Variants in HS3ST5 observed in about 807,000 individuals in gnomAD.
HS3ST5 encodes heparan sulfate-glucosamine 3-sulfotransferase 5, also known as heparan sulfate glucosamine 3-O-sulfotransferase 5.
Under a neutral mutation model 25.4 loss-of-function variants are expected in HS3ST5, and 10 were observed. That is an observed-to-expected ratio of 0.39 (90% CI 0.24 to 0.67). The LOEUF is 0.67. Among genes scored for constraint, HS3ST5 ranks in the 30% least tolerant of loss-of-function variants. The probability of loss-of-function intolerance (pLI) is 0.44; values close to 1 mark genes in which losing one functional copy is unlikely to be tolerated. For missense variants in HS3ST5, 324 were observed against 420.7 expected (o/e 0.77, Z 2.01); for synonymous variants, 170 against 162.4 (o/e 1.05, Z -0.36).
intron 3 of HS3ST5, among the ~76,000 whole-genome samples, chr6:114,099,977 A>G (rs1472657827): frequency 6.6e-6 from 1 of 152,164 alleles, no homozygotes; most frequent in Non-Finnish European, 1.5e-5. Flanking sequence ...AAATGTGGCT[A>G]GTTTTCCTAC....
chr6:114,292,684 T>C (rs1376614805), intron 1 of HS3ST5, among the ~76,000 whole-genome samples: 1 of 152,186 alleles, frequency 6.6e-6, no homozygotes, highest in Non-Finnish European at 1.5e-5. Context: ...GGTTTGGTGG[T>C]GGACAGACAT....
At chr6:114,145,433 T>C (rs1562214637) in intron 3 of HS3ST5, among the ~76,000 whole-genome samples, 2 of 152,178 alleles carry the variant, frequency 1.3e-5, no homozygotes, top group Non-Finnish European at 2.9e-5. Flanking sequence ...AGCCCTGGTT[T>C]ATGGCAAGCC....
intron 1 of HS3ST5, among the ~76,000 whole-genome samples, chr6:114,303,674 C>T (rs1022511140): frequency 6.6e-6 from 1 of 152,066 alleles, no homozygotes; most frequent in African/African-American, 2.4e-5. Context: ...AGAAGACAAA[C>T]ATCCTAAAGA....
Position 114,189,458 on chromosome 6 carries a change from T to TA in HS3ST5, c.-144-20997dup, listed in dbSNP as rs566640139. ...TCCTTTGATGATTTTTCTCCTCCAT[T>TA]AAAAAAAATCTCATACTGGAGAATT... is the stretch of plus-strand genomic sequence containing the variant. On this transcript the variant is annotated intron_variant, in intron 2 of 4. Transcript: ENST00000312719. Among the ~76,000 whole-genome samples, 66 of 151,940 alleles carry TA rather than the reference T, an allele frequency of 4.3e-4. 1 individual carries two copies. The South Asian group carries it at 0.011, about 24-fold the overall frequency.
chr6:114,075,773 C>G (rs933191140), intron 3 of HS3ST5, among the ~76,000 whole-genome samples: 1 of 152,184 alleles, frequency 6.6e-6, no homozygotes, highest in Non-Finnish European at 1.5e-5. Flanking sequence ...TTAACTCCAT[C>G]ACACAGGAAC....
intron 2 of HS3ST5, among the ~76,000 whole-genome samples, chr6:114,186,150 C>T (rs1780207305): frequency 1.3e-5 from 2 of 152,000 alleles, no homozygotes; most frequent in Non-Finnish European, 2.9e-5. Context: ...CACTTAATAA[C>T]CCTACAGTGG....
intron 1 of HS3ST5, among the ~76,000 whole-genome samples, chr6:114,257,994 A>G (rs1773008693): frequency 6.6e-6 from 1 of 152,126 alleles, no homozygotes; most frequent in Non-Finnish European, 1.5e-5. Flanking sequence ...CTTGACCCCA[A>G]GGGATCCTCC....
chr6:114,169,935 C>G (rs576510984), intron 2 of HS3ST5, among the ~76,000 whole-genome samples: 23 of 152,242 alleles, frequency 1.5e-4, no homozygotes, highest in Non-Finnish European at 2.6e-4. Flanking sequence ...AGGTTATGCT[C>G]TCTTTTAGAT....
At chr6:114,239,509 G>A (rs1381093343) in intron 1 of HS3ST5, among the ~76,000 whole-genome samples, 1 of 152,160 alleles carries the variant, frequency 6.6e-6, no homozygotes, top group African/African-American at 2.4e-5. Context: ...AGCATACAAG[G>A]GTTAGACCTC....
chr6:114,323,275 C>T (rs1337806761), intron 1 of HS3ST5, among the ~76,000 whole-genome samples: 3 of 152,030 alleles, frequency 2.0e-5, no homozygotes, highest in Non-Finnish European at 4.4e-5. Context: ...AGAAAGATAG[C>T]ATATGTAAAA....
At chr6:114,203,795 G>A (rs1582711678) in intron 2 of HS3ST5, among the ~76,000 whole-genome samples, 2 of 152,108 alleles carry the variant, frequency 1.3e-5, no homozygotes, top group African/African-American at 4.8e-5. Flanking sequence ...GCTTTTGGGA[G>A]GCAGATTTGA....
At chr6:114,215,954 C>G (rs762516308) in intron 2 of HS3ST5, among the ~76,000 whole-genome samples, 10 of 152,150 alleles carry the variant, frequency 6.6e-5, no homozygotes, top group Non-Finnish European at 1.2e-4. Context: ...GGAGCGGACT[C>G]TTTAATTTCA....
chr6:114,289,406 T>TA (rs1167058064), intron 1 of HS3ST5, among the ~76,000 whole-genome samples: 1 of 152,094 alleles, frequency 6.6e-6, no homozygotes, highest in African/African-American at 2.4e-5. Flanking sequence ...AACTGGATTT[T>TA]AAAAAAATTC....
chr6:114,106,032 T>C (rs1047603104), intron 3 of HS3ST5, among the ~76,000 whole-genome samples: 1 of 152,146 alleles, frequency 6.6e-6, no homozygotes, highest in Non-Finnish European at 1.5e-5. Flanking sequence ...TCAGTTTTAC[T>C]TAATGCTCCA....
intron 2 of HS3ST5, among the ~76,000 whole-genome samples, chr6:114,218,213 G>A (rs1445222561): frequency 6.6e-6 from 1 of 152,102 alleles, no homozygotes; most frequent in Admixed American, 6.6e-5. Context: ...GGCCAGGCTG[G>A]TCTCAAACCC....
chr6:114,241,138 T>G (rs1006972018), intron 1 of HS3ST5, among the ~76,000 whole-genome samples: 103 of 147,124 alleles, frequency 7.0e-4, no homozygotes, highest in African/African-American at 2.4e-3. Context: ...ATCAGTTTTT[T>G]TTTTTTTTTT....
At chr6:114,296,628 G>A (rs1488265438) in intron 1 of HS3ST5, among the ~76,000 whole-genome samples, 1 of 152,112 alleles carries the variant, frequency 6.6e-6, no homozygotes, top group Non-Finnish European at 1.5e-5. Flanking sequence ...TTCACACCCT[G>A]TAGGATGCTA....
Position 114,320,738 on chromosome 6 carries a change from G to T in HS3ST5, c.-339+21457C>A, listed in dbSNP as rs117183212. Among the ~76,000 whole-genome samples, 677 of 152,120 alleles carry T rather than the reference G, an allele frequency of 4.5e-3. 1 individual carries two copies. The highest frequency in any genetic ancestry group is 0.01 in the Middle Eastern group (3 of 294). On this transcript the variant is annotated intron_variant, in intron 1 of 4. Transcript: ENST00000312719. Reference sequence around the variant, plus strand: ...AGCTTTATTTGTATCTGCTTTATGTGTAGGGGAGTTATTAATGTTTTATTT... The same window carrying T: ...AGCTTTATTTGTATCTGCTTTATGTTTAGGGGAGTTATTAATGTTTTATTT...
At chr6:114,282,620 T>C (rs1447161735) in intron 1 of HS3ST5, among the ~76,000 whole-genome samples, 1 of 152,018 alleles carries the variant, frequency 6.6e-6, no homozygotes, top group African/African-American at 2.4e-5. Flanking sequence ...CCCATGTTAA[T>C]ACACTGTATT....
Sources: gnomAD v4.1 joint callset for allele counts (sites outside exome capture counted in the v4.1 genomes callset) on GRCh38, gnomAD v4.1.1 for gene constraint, MANE v1.5 for transcripts, NCBI Gene and HGNC (gene_info 2026-07-23, HGNC 2026-07-21) for gene names.